The following TNIK variants were observed in gnomAD, a reference collection of about 807,000 sequenced individuals.
TNIK encodes the protein TRAF2 and NCK-interacting protein kinase.
TNIK carries 49 observed loss-of-function variants against 191.3 expected under a neutral mutation model. The observed-to-expected ratio is 0.26, with a 90% CI of 0.20 to 0.32. TNIK has a LOEUF of 0.32. Ranked by LOEUF, TNIK falls within the 10% of genes least tolerant of loss-of-function variation. The pLI is 1.00. For synonymous variants in TNIK, 594 were observed against 600.9 expected, an observed-to-expected ratio of 0.99 and a Z score of 0.17; for missense variants, 1,155 against 1,702.3, an observed-to-expected ratio of 0.68 and a Z score of 5.66.
At chr3:171,451,669 G>C (rs904975017) in intron 1 of TNIK, among the ~76,000 whole-genome samples, 1 of 152,068 alleles carries the variant, frequency 6.6e-6, no homozygotes, top group African/African-American at 2.4e-5. Flanking sequence ...TCACAAAACA[G>C]AAAAAAATCA....
At chr3:171,310,223 G>A (rs1227905072) in intron 2 of TNIK, among the ~76,000 whole-genome samples, 2 of 152,034 alleles carry the variant, frequency 1.3e-5, no homozygotes, top group Non-Finnish European at 2.9e-5. Flanking sequence ...CACAGTTGAA[G>A]CTATGGACTT....
chr3:171,207,988 G>A (rs574308080), intron 4 of TNIK, among the ~76,000 whole-genome samples: 11 of 152,228 alleles, frequency 7.2e-5, no homozygotes, highest in Admixed American at 2.0e-4. Context: ...ACAGCCCGGT[G>A]GTAGCAATAA....
At chr3:171,177,207 C>G (rs1736070693) in intron 8 of TNIK, 119 bp downstream of exon 8, 4 of 961,392 alleles carry the variant, frequency 4.2e-6, no homozygotes, top group Non-Finnish European at 5.8e-6. Context: ...AATATGCCAG[C>G]TTGAATCCAT....
At position 171,224,918 on chromosome 3, in the gene TNIK, T is replaced by C. The variant is rs905125; in HGVS notation, c.180+3247A>G. Among the ~76,000 whole-genome samples, 380 of 152,288 alleles carry C rather than the reference T, an allele frequency of 2.5e-3. 1 individual carries two copies. Among genetic ancestry groups the C allele is most frequent in the African/African-American group, 8.4e-3 (350 of 41,564 alleles). ...TTTGGAAGTGTTTCAGCTCTAAAAA[T>C]GGAAGGATATAAGCATTATATCCAG... On this transcript the variant is annotated intron_variant, in intron 3 of 32. Coordinates refer to ENST00000436636, the MANE Select transcript of TNIK (RefSeq NM_015028.4).
chr3:171,211,916 T>C (rs1395511793), intron 3 of TNIK, among the ~76,000 whole-genome samples: 1 of 152,164 alleles, frequency 6.6e-6, no homozygotes, highest in Non-Finnish European at 1.5e-5. Context: ...ACTATGAATT[T>C]TGATTTGGAG....
intron 2 of TNIK, among the ~76,000 whole-genome samples, chr3:171,239,515 T>C (rs891219479): frequency 3.9e-5 from 6 of 152,208 alleles, no homozygotes; most frequent in African/African-American, 7.2e-5. Flanking sequence ...CATCCAAATA[T>C]AGACTCTCCA....
At chr3:171,399,931 T>G (rs1232151805) in intron 1 of TNIK, among the ~76,000 whole-genome samples, 1 of 151,506 alleles carries the variant, frequency 6.6e-6, no homozygotes, top group Non-Finnish European at 1.5e-5. Context: ...CAGAAAGGAG[T>G]AAAAAGTTAT....
intron 2 of TNIK, among the ~76,000 whole-genome samples, chr3:171,233,691 G>A (rs775305181): frequency 8.5e-5 from 13 of 152,214 alleles, no homozygotes; most frequent in Non-Finnish European, 1.5e-4. Flanking sequence ...AAATGAAGAG[G>A]ACTTGGGAAT....
intron 19 of TNIK, 26 bp downstream of exon 19, chr3:171,110,688 C>T (rs1725713301): frequency 6.4e-7 from 1 of 1,558,000 alleles, no homozygotes; most frequent in Non-Finnish European, 8.7e-7. Flanking sequence ...GCAGTATTGC[C>T]AGGTAAAGGT....
intron 4 of TNIK, among the ~76,000 whole-genome samples, chr3:171,196,393 A>G (rs568260308): frequency 3.0e-4 from 46 of 152,308 alleles, no homozygotes; most frequent in African/African-American, 1.0e-3. Context: ...ATAAGAACGC[A>G]TATTACCTAG....
intron 2 of TNIK, among the ~76,000 whole-genome samples, chr3:171,264,061 T>C (rs1205823116): frequency 2.7e-5 from 3 of 112,722 alleles, no homozygotes; most frequent in Non-Finnish European, 3.5e-5. Context: ...TGTGTATATA[T>C]ATACATACAC....
chr3:171,139,368 ACGCACGCGCG>A (rs1730455999), intron 14 of TNIK, 92 bp downstream of exon 14: 1 of 889,196 alleles, frequency 1.1e-6, no homozygotes, highest in Non-Finnish European at 1.7e-6. Flanking sequence ...AGAAGGACAC[ACGCACGCGCG>A]CACACACACA....
At chr3:171,258,567 C>A (rs531465171) in intron 2 of TNIK, among the ~76,000 whole-genome samples, 2 of 152,138 alleles carry the variant, frequency 1.3e-5, no homozygotes, top group Admixed American at 6.5e-5. Flanking sequence ...ACCCACGAGA[C>A]CAGTAAAGAA....
Position 171,366,035 on chromosome 3 carries a change from T to C in TNIK, c.123+3585A>G, listed in dbSNP as rs1398814889. Among the ~76,000 whole-genome samples, 3 of 152,200 alleles carry C rather than the reference T, an allele frequency of 2.0e-5. No homozygotes were observed. The highest frequency in any genetic ancestry group is 4.4e-5 in the Non-Finnish European group (3 of 68,044). On this transcript the variant is annotated intron_variant, in intron 2 of 32. Coordinates refer to ENST00000436636, the MANE Select transcript of TNIK (RefSeq NM_015028.4). The surrounding 1 kb of genome is among the most constrained non-coding windows in gnomAD (Gnocchi z 4.1). ...TACCAGTAAACATTAAACAATTATTTCAATTTATTAAAAGAATTACTCTAT... is the reference window on the plus strand; with the variant it reads ...TACCAGTAAACATTAAACAATTATTCCAATTTATTAAAAGAATTACTCTAT...
intron 1 of TNIK, among the ~76,000 whole-genome samples, chr3:171,388,021 G>T (rs1718965659): frequency 6.6e-6 from 1 of 152,176 alleles, no homozygotes; most frequent in Non-Finnish European, 1.5e-5. Context: ...TCCAAAGAAA[G>T]ATTGCTGCCA....
Position 171,097,660 on chromosome 3 carries a change from C to G in TNIK, c.2592-3692G>C, listed in dbSNP as rs1160494845. Among the ~76,000 whole-genome samples the G allele has an allele frequency of 4.6e-5, 7 of 152,348 alleles. No homozygotes were observed. The East Asian group carries it at 5.8e-4, about 13-fold the overall frequency. ...GTAAGACATGCCTTTGCTCCTCATT[C>G]ACCTTCCACCATGATTGTGAGGCCC... On this transcript the variant is annotated intron_variant, in intron 22 of 32. Transcript: ENST00000436636.
intron 3 of TNIK, among the ~76,000 whole-genome samples, chr3:171,222,599 A>T (rs80199040): frequency 1.3e-5 from 2 of 152,168 alleles, no homozygotes; most frequent in South Asian, 4.1e-4. Context: ...TCTTCCAAAC[A>T]ACCCAAGATG....
At chr3:171,429,756 T>C (rs534040297) in intron 1 of TNIK, among the ~76,000 whole-genome samples, 1 of 152,068 alleles carries the variant, frequency 6.6e-6, no homozygotes, top group Non-Finnish European at 1.5e-5. Flanking sequence ...CTCTCCTCCA[T>C]CCCCTCTTCT....
At chr3:171,291,948 T>A (rs1214267612) in intron 2 of TNIK, among the ~76,000 whole-genome samples, 4 of 152,246 alleles carry the variant, frequency 2.6e-5, no homozygotes, top group Non-Finnish European at 5.9e-5. Flanking sequence ...TCAAGGATCC[T>A]TTCTACTCAT....
Sources: allele counts gnomAD v4.1 joint callset (sites outside exome capture counted in the v4.1 genomes callset), GRCh38; gene constraint gnomAD v4.1.1; non-coding constraint Gnocchi (gnomAD v3.1); transcripts MANE v1.5; gene names NCBI Gene and HGNC (gene_info 2026-07-23, HGNC 2026-07-21).